Variants in RLF observed in about 807,000 individuals in gnomAD.
RLF encodes the protein RLF zinc finger.
Under a neutral mutation model 162.9 loss-of-function variants are expected in RLF, and 7 were observed. The ratio of observed to expected loss-of-function variants is 0.04; its 90% CI spans 0.02 to 0.08. RLF has a LOEUF of 0.08. RLF is among the 10% of genes least tolerant of loss of function. The pLI is 1.00. For synonymous variants in RLF, 782 were observed against 791.5 expected (o/e 0.99, Z 0.20); for missense variants, 1,664 against 2,244.7 (o/e 0.74, Z 5.23).
chr1:40,197,105 G>A (rs1642648130), intron 4 of RLF, among the ~76,000 whole-genome samples: 1 of 152,134 alleles, frequency 6.6e-6, no homozygotes, highest in Non-Finnish European at 1.5e-5. Context: ...CCAAGCTTAA[G>A]CACCTACCAT....
Position 40,213,219 on chromosome 1 carries a change from G to A in RLF, c.811-9355G>A, listed in dbSNP as rs374904716. Among the ~76,000 whole-genome samples, 17 of 152,278 alleles carry A rather than the reference G, an allele frequency of 1.1e-4. 1 individual carries two copies. Among genetic ancestry groups the A allele is most frequent in the East Asian group, 5.8e-4 (3 of 5,184 alleles). ...TTCTTTCAAATAGCTTTGAAGAGACGTCTTCCCAGAACTTTGTATGCATCT... is the reference window on the plus strand; with the variant it reads ...TTCTTTCAAATAGCTTTGAAGAGACATCTTCCCAGAACTTTGTATGCATCT... On this transcript the variant is annotated intron_variant, in intron 5 of 7. Transcript: ENST00000372771.
intron 1 of RLF, among the ~76,000 whole-genome samples, chr1:40,162,067 G>T (rs1459246950): frequency 6.6e-6 from 1 of 152,174 alleles, no homozygotes; most frequent in East Asian, 1.9e-4. Flanking sequence ...TGGGGCCAGA[G>T]ACTTATTTTT....
chr1:40,236,903 A>AAGT lies in RLF; in HGVS notation c.2202_2204dup (p.Val735dup), dbSNP rs760186180. ...GCTTTTCACCTTCGAGAGCACGAAC[A>AAGT]AGTGCATTGTGGGCCTCAGCCTTAT... On this transcript the variant is annotated inframe_insertion, in exon 8 of 8. Transcript: ENST00000372771. This position sits in a 1 kb window ranked among gnomAD's most constrained non-coding sequence, Gnocchi z 7.7. 91 of 1,614,106 alleles carry AAGT rather than the reference A, an allele frequency of 5.6e-5. No homozygotes were observed. Among genetic ancestry groups the AAGT allele is most frequent in the South Asian group, 1.3e-4 (12 of 91,082 alleles).
chr1:40,187,072 G>C (rs540526888), intron 1 of RLF, among the ~76,000 whole-genome samples: 1 of 143,288 alleles, frequency 7.0e-6, no homozygotes, highest in South Asian at 2.1e-4. Context: ...TTGCTGTGTC[G>C]CCAGGCTGGA....
At chr1:40,170,042 A>G (rs1024633040) in intron 1 of RLF, among the ~76,000 whole-genome samples, 2 of 152,116 alleles carry the variant, frequency 1.3e-5, no homozygotes, top group African/African-American at 4.8e-5. Flanking sequence ...CAAGAGAGAC[A>G]TTACGTATTG....
chr1:40,216,500 A>AG (rs533712493), intron 5 of RLF, among the ~76,000 whole-genome samples: 50 of 151,176 alleles, frequency 3.3e-4, no homozygotes, highest in East Asian at 1.4e-3. Context: ...AAAAAAAAAA[A>AG]AGAGAGAGAG....
chr1:40,204,647 C>G (rs1254287382), intron 5 of RLF, among the ~76,000 whole-genome samples: 1 of 151,776 alleles, frequency 6.6e-6, no homozygotes, highest in Admixed American at 6.6e-5. Context: ...GTCTCGAACT[C>G]CCAGGGTCAA....
At chr1:40,193,780 T>C (rs1642592147) in intron 3 of RLF, among the ~76,000 whole-genome samples, 1 of 152,164 alleles carries the variant, frequency 6.6e-6, no homozygotes, top group Admixed American at 6.5e-5. Context: ...TGGGTGTATA[T>C]GTGTAGTAAA....
intron 3 of RLF, among the ~76,000 whole-genome samples, chr1:40,192,413 C>T (rs543178219): frequency 2.6e-5 from 4 of 152,112 alleles, no homozygotes; most frequent in South Asian, 4.2e-4. Context: ...TCTGAAAATC[C>T]GAAATGCTCC....
At position 40,166,110 on chromosome 1, in the gene RLF, C is replaced by T. The variant is rs1570509135; in HGVS notation, c.237+4474C>T. Reference sequence around the variant, plus strand: ...AACGTGGTGCCTACATAATTTGTTTCCATGTTTGTCTTTTGTATTGACTTG... The same window carrying T: ...AACGTGGTGCCTACATAATTTGTTTTCATGTTTGTCTTTTGTATTGACTTG... On this transcript the variant is annotated intron_variant, in intron 1 of 7. Coordinates refer to ENST00000372771, the MANE Select transcript of RLF (RefSeq NM_012421.4). Among the ~76,000 whole-genome samples the T allele has an allele frequency of 2.0e-5, 3 of 152,222 alleles. No homozygotes were observed. The South Asian group carries it at 6.2e-4, about 32-fold the overall frequency.
chr1:40,234,943 G>GT (rs1188685787), intron 7 of RLF, among the ~76,000 whole-genome samples: 1 of 151,938 alleles, frequency 6.6e-6, no homozygotes, highest in African/African-American at 2.4e-5. Flanking sequence ...CTGAGATTCA[G>GT]TACACCTGTG....
rs114189509 is a variant in RLF, at chr1:40,222,327, G to A, written c.811-247G>A. Among the ~76,000 whole-genome samples, 735 of 152,286 alleles carry A rather than the reference G, an allele frequency of 4.8e-3. 8 individuals are homozygous for A. Among genetic ancestry groups the A allele is most frequent in the African/African-American group, 0.017 (689 of 41,564 alleles). On this transcript the variant is annotated intron_variant, in intron 5 of 7. Coordinates refer to ENST00000372771, the MANE Select transcript of RLF (RefSeq NM_012421.4). ...TTTGACTCATCTATATGGTAGCAAT[G>A]TTCGTAATTTTTTTAAACTGCAAAA...
At chr1:40,196,648 C>T (rs1306021229) in intron 4 of RLF, among the ~76,000 whole-genome samples, 3 of 152,082 alleles carry the variant, frequency 2.0e-5, no homozygotes, top group Admixed American at 6.5e-5. Context: ...TACAGGCATG[C>T]GCCACTGTGT....
At position 40,239,079 on chromosome 1, in the gene RLF, T is replaced by C. The variant is rs1019258283; in HGVS notation, c.4377T>C (p.Ser1459=). 1.3e-5 allele frequency: 21 copies of C among 1,614,066 alleles called. No homozygotes were observed. Among genetic ancestry groups the C allele is most frequent in the Middle Eastern group, 1.6e-4 (1 of 6,084 alleles). ...NGCGQIFTHR[S]NYSQHVYYRH... ...GTGGCCAGATTTTCACCCATCGCAG[T>C]AATTACTCACAACATGTATATTACC... Residue 1459 remains serine (S), a synonymous_variant, in exon 8 of 8, where the codon AGT becomes AGC. Coordinates refer to ENST00000372771, the MANE Select transcript of RLF (RefSeq NM_012421.4).
chr1:40,235,761 A>AAAT, intron 7 of RLF, 31 bp from the exon 8 acceptor site: 1 of 1,459,240 alleles, frequency 6.9e-7, no homozygotes, highest in African/African-American at 1.4e-5. Flanking sequence ...GTATGCAAAA[A>AAAT]AATAATTTTT....
At chr1:40,184,876 T>C (rs1642453088) in intron 1 of RLF, among the ~76,000 whole-genome samples, 1 of 152,110 alleles carries the variant, frequency 6.6e-6, no homozygotes, top group African/African-American at 2.4e-5. Flanking sequence ...GAATGAACTT[T>C]AGGAGGTCAT....
intron 6 of RLF, among the ~76,000 whole-genome samples, chr1:40,228,458 G>A (rs1279192396): frequency 6.7e-6 from 1 of 149,134 alleles, no homozygotes; most frequent in African/African-American, 2.5e-5. Flanking sequence ...GTGGGTGCCT[G>A]TAATCCCAGC....
rs1643233116 is a variant in RLF, at chr1:40,237,585, T to G, written c.2883T>G (p.Cys961Trp). 1.2e-6 allele frequency: 2 copies of G among 1,614,162 alleles called. No individual in the cohort carries two copies. The highest frequency in any genetic ancestry group is 1.7e-6 in the Non-Finnish European group (2 of 1,180,006). ...AGTTTACCTGTGGTTTTGATGGCTGTGGTTCCACATACAAAAATGCAAGAG... is the reference window on the plus strand; with the variant it reads ...AGTTTACCTGTGGTTTTGATGGCTGGGGTTCCACATACAAAAATGCAAGAG... ...GTKFTCGFDGCGSTYKNARGM... is the reference protein window; with the variant it reads ...GTKFTCGFDGWGSTYKNARGM... The change falls in exon 8 of 8, where the codon TGT becomes TGG. Residue 961 changes from cysteine (C) to tryptophan (W), a missense_variant. Physicochemically the swap from Cys to Trp is radical, Grantham distance 215. Coordinates refer to ENST00000372771, the MANE Select transcript of RLF (RefSeq NM_012421.4). The surrounding 1 kb of genome is among the most constrained non-coding windows in gnomAD (Gnocchi z 4.4).
chr1:40,200,750 TTA>T (rs142341961), intron 4 of RLF, among the ~76,000 whole-genome samples: 13 of 148,496 alleles, frequency 8.8e-5, no homozygotes, highest in South Asian at 2.1e-4. Context: ...AAATCTGTGA[TTA>T]TATATATATA....
Sources: allele counts gnomAD v4.1 joint callset (sites outside exome capture counted in the v4.1 genomes callset), GRCh38; gene constraint gnomAD v4.1.1; non-coding constraint Gnocchi (gnomAD v3.1); transcripts MANE v1.5; gene names NCBI Gene and HGNC (gene_info 2026-07-23, HGNC 2026-07-21).